The following DPP6 variants were observed in gnomAD, a reference collection of about 807,000 sequenced individuals.
DPP6 encodes the protein A-type potassium channel modulatory protein DPP6.
Under a neutral mutation model 122.6 loss-of-function variants are expected in DPP6, and 69 were observed. That is an observed-to-expected ratio of 0.56 (90% CI 0.46 to 0.69). DPP6 has a LOEUF of 0.69. Ranked by LOEUF, DPP6 falls within the 30% of genes least tolerant of loss-of-function variation. The probability of loss-of-function intolerance (pLI) is 0.00; values close to 1 mark genes in which losing one functional copy is unlikely to be tolerated. For missense variants in DPP6, 928 were observed against 1,116.9 expected (o/e 0.83, Z 2.41); for synonymous variants, 418 against 433.1 (o/e 0.97, Z 0.43).
At chr7:154,669,303 T>A (rs1467612295) in intron 6 of DPP6, 57 bp from the exon 7 acceptor site, 1 of 1,551,360 alleles carries the variant, frequency 6.4e-7, no homozygotes. Flanking sequence ...TTGCAGCAGC[T>A]TAAATTCTTG....
chr7:154,430,804 G>A (rs564933525), intron 1 of DPP6, among the ~76,000 whole-genome samples: 1 of 152,256 alleles, frequency 6.6e-6, no homozygotes, highest in South Asian at 2.1e-4. Flanking sequence ...ATTCCCAGCT[G>A]ACATATGAGC....
chr7:154,190,585 C>T (rs1400180654), intron 1 of DPP6, among the ~76,000 whole-genome samples: 5 of 152,076 alleles, frequency 3.3e-5, no homozygotes, highest in Admixed American at 6.6e-5. Flanking sequence ...AACTCAGCTG[C>T]AGTGTTGGTT....
intron 1 of DPP6, among the ~76,000 whole-genome samples, chr7:154,344,318 TA>T (rs1810203987): frequency 7.2e-5 from 11 of 152,188 alleles, no homozygotes. Context: ...GAAAAGGTGC[TA>T]AACATCATTG....
At chr7:154,339,575 A>G (rs1028074789) in intron 1 of DPP6, among the ~76,000 whole-genome samples, 2 of 152,220 alleles carry the variant, frequency 1.3e-5, no homozygotes, top group African/African-American at 4.8e-5. Context: ...TTGCCTAGCA[A>G]TTCATAGGAA....
the DPP6 span, among the ~76,000 whole-genome samples, chr7:153,838,721 CTG>C: frequency 6.6e-6 from 1 of 152,184 alleles, no homozygotes; most frequent in African/African-American, 2.4e-5. Context: ...TTTTCTGAAA[CTG>C]TAACAAGCAA....
chr7:154,144,392 G>A (rs905600622), intron 1 of DPP6, among the ~76,000 whole-genome samples: 8 of 151,684 alleles, frequency 5.3e-5, no homozygotes, highest in East Asian at 1.9e-4. Flanking sequence ...AAATCTTTCC[G>A]TTTTATTTAG....
intron 3 of DPP6, among the ~76,000 whole-genome samples, chr7:154,534,086 G>A (rs1381954084): frequency 6.6e-6 from 1 of 152,014 alleles, no homozygotes; most frequent in Non-Finnish European, 1.5e-5. Flanking sequence ...TTTAACATCT[G>A]AAAATCAATG....
chr7:154,732,519 A>T lies in DPP6; in HGVS notation c.883+4632A>T, dbSNP rs946930538. Reference sequence around the variant, plus strand: ...TGGAACATGTTAGGGTCATTGGAGGACAACATCTTTCCTTATGTATATAAA... The same window carrying T: ...TGGAACATGTTAGGGTCATTGGAGGTCAACATCTTTCCTTATGTATATAAA... On this transcript the variant is annotated intron_variant, in intron 8 of 25. Transcript: ENST00000377770. 2.6e-5 allele frequency among the ~76,000 whole-genome samples: 4 copies of T among 152,210 alleles called. No homozygotes were observed. The South Asian group carries it at 8.3e-4, about 32-fold the overall frequency.
chr7:154,267,602 C>A (rs1036779451), intron 1 of DPP6, among the ~76,000 whole-genome samples: 2 of 150,486 alleles, frequency 1.3e-5, no homozygotes, highest in Non-Finnish European at 3.0e-5. Context: ...TATATATGTG[C>A]ATGTATATAT....
At chr7:154,568,565 G>C (rs1830912024) in intron 5 of DPP6, among the ~76,000 whole-genome samples, 1 of 152,196 alleles carries the variant, frequency 6.6e-6, no homozygotes. Flanking sequence ...TTCTGTGCAT[G>C]ATACAATTCT....
intron 1 of DPP6, among the ~76,000 whole-genome samples, chr7:153,929,237 G>A (rs2129012418): frequency 6.6e-6 from 1 of 152,238 alleles, no homozygotes; most frequent in South Asian, 2.1e-4. Flanking sequence ...CTGCACACTA[G>A]GGAGGTGGTG....
intron 1 of DPP6, among the ~76,000 whole-genome samples, chr7:154,043,317 G>C (rs60650246): frequency 0.63 from 92,195 of 146,736 alleles, 29,285 homozygotes; most frequent in African/African-American, 0.73. Flanking sequence ...CACTTGAACC[G>C]GGCAGGTGGA....
Position 154,892,645 on chromosome 7 carries a change from CT to C in DPP6, c.*166del. The C allele has an allele frequency of 2.9e-6, 4 of 1,396,588 alleles. No individual in the cohort carries two copies. Among genetic ancestry groups the C allele is most frequent in the Non-Finnish European group, 3.9e-6 (4 of 1,018,766 alleles). 86.5% of individuals were successfully genotyped at this position (1,396,588 alleles called of 1,614,324 possible). Reference sequence around the variant, plus strand: ...AAGGCAGTTTTGCTTGGGAAACAAGCTCCTTCCCCGGGGTCATCACTCACGG... The same window carrying C: ...AAGGCAGTTTTGCTTGGGAAACAAGCCCTTCCCCGGGGTCATCACTCACGG... On this transcript the variant is annotated 3_prime_UTR_variant, in exon 26 of 26. Coordinates refer to ENST00000377770, the MANE Select transcript of DPP6 (RefSeq NM_130797.4).
chr7:153,952,430 C>G (rs1421506493), intron 1 of DPP6, among the ~76,000 whole-genome samples: 2 of 152,218 alleles, frequency 1.3e-5, no homozygotes, highest in South Asian at 4.1e-4. Flanking sequence ...AAATCTCACT[C>G]AGATTCAAAT....
At chr7:154,499,997 C>G (rs1825090808) in intron 3 of DPP6, among the ~76,000 whole-genome samples, 1 of 152,166 alleles carries the variant, frequency 6.6e-6, no homozygotes, top group African/African-American at 2.4e-5. Context: ...TCTCTAAACA[C>G]AATACATGCT....
chr7:154,119,280 C>T (rs1376987657), intron 1 of DPP6, among the ~76,000 whole-genome samples: 2 of 152,146 alleles, frequency 1.3e-5, no homozygotes, highest in African/African-American at 4.8e-5. Flanking sequence ...GGTCCGGATG[C>T]TCACCGCCTG....
At chr7:154,891,540 G>A (rs980736264) in intron 25 of DPP6, among the ~76,000 whole-genome samples, 5 of 152,136 alleles carry the variant, frequency 3.3e-5, no homozygotes, top group African/African-American at 1.2e-4. Context: ...TAGCCAGGAC[G>A]CAAAATCTGT....
At chr7:154,111,372 T>C (rs535987196) in intron 1 of DPP6, among the ~76,000 whole-genome samples, 2 of 152,282 alleles carry the variant, frequency 1.3e-5, no homozygotes, top group East Asian at 3.9e-4. Flanking sequence ...ATAATAATGG[T>C]GTCTGTCTCA....
the DPP6 span, among the ~76,000 whole-genome samples, chr7:153,859,861 G>A: frequency 2.6e-5 from 4 of 152,088 alleles, no homozygotes; most frequent in Admixed American, 1.3e-4. Flanking sequence ...ATCAGATCTC[G>A]TGAGAACTCA....
Sources: allele counts gnomAD v4.1 joint callset (sites outside exome capture counted in the v4.1 genomes callset), GRCh38; gene constraint gnomAD v4.1.1; transcripts MANE v1.5; gene names NCBI Gene and HGNC (gene_info 2026-07-23, HGNC 2026-07-21).